The following HS3ST4 variants were observed in gnomAD, a reference collection of about 807,000 sequenced individuals.
HS3ST4 encodes heparan sulfate glucosamine 3-O-sulfotransferase 4.
In HS3ST4, 17 loss-of-function variants were observed where a neutral mutation model predicts 29.2. The ratio of observed to expected loss-of-function variants is 0.58; its 90% confidence interval spans 0.40 to 0.87. The LOEUF is 0.87. HS3ST4 is among the 40% of genes least tolerant of loss of function. HS3ST4 has a pLI of 0.00. For missense variants in HS3ST4, 627 were observed against 634.5 expected, an observed-to-expected ratio of 0.99 and a Z score of 0.13; for synonymous variants, 314 against 285.7, an observed-to-expected ratio of 1.10 and a Z score of -1.00.
intron 1 of HS3ST4, among the ~76,000 whole-genome samples, chr16:25,864,548 C>G (rs988772401): frequency 2.0e-5 from 3 of 152,084 alleles, no homozygotes; most frequent in Non-Finnish European, 4.4e-5. Context: ...CTCCTCATTC[C>G]CCCTCCCACT....
At chr16:26,039,415 A>G (rs1252115965) in intron 1 of HS3ST4, among the ~76,000 whole-genome samples, 2 of 152,166 alleles carry the variant, frequency 1.3e-5, no homozygotes, top group African/African-American at 4.8e-5. Context: ...TCTCCATGAA[A>G]TACTTTGGAC....
At chr16:25,740,443 T>G (rs1208374099) in intron 1 of HS3ST4, among the ~76,000 whole-genome samples, 1 of 152,172 alleles carries the variant, frequency 6.6e-6, no homozygotes, top group Non-Finnish European at 1.5e-5. Flanking sequence ...GTTTCTTGGA[T>G]GCACTGAGCC....
intron 1 of HS3ST4, among the ~76,000 whole-genome samples, chr16:26,103,486 CCA>C (rs1899013678): frequency 6.6e-6 from 1 of 152,200 alleles, no homozygotes; most frequent in East Asian, 1.9e-4. Flanking sequence ...GGTAAACTCC[CCA>C]CTGGCCTCAC....
intron 1 of HS3ST4, among the ~76,000 whole-genome samples, chr16:25,959,590 G>A (rs561767540): frequency 2.0e-5 from 3 of 152,252 alleles, no homozygotes; most frequent in Non-Finnish European, 4.4e-5. Flanking sequence ...CTGTGAAAAA[G>A]GGGCAATTTT....
At chr16:25,889,878 G>A (rs1180908379) in intron 1 of HS3ST4, among the ~76,000 whole-genome samples, 1 of 150,598 alleles carries the variant, frequency 6.6e-6, no homozygotes, top group Non-Finnish European at 1.5e-5. Flanking sequence ...AGATCTGAAG[G>A]TTTTATCAGG....
chr16:25,938,778 A>T (rs1019225236), intron 1 of HS3ST4, among the ~76,000 whole-genome samples: 1 of 152,086 alleles, frequency 6.6e-6, no homozygotes, highest in Admixed American at 6.5e-5. Flanking sequence ...TCACATTATC[A>T]GGGAAGTCTT....
chr16:25,947,066 A>G (rs1405203073), intron 1 of HS3ST4, among the ~76,000 whole-genome samples: 1 of 151,934 alleles, frequency 6.6e-6, no homozygotes, highest in Non-Finnish European at 1.5e-5. Flanking sequence ...GTATTAAGCA[A>G]GTGTGTGTGT....
At chr16:26,021,878 G>A in intron 1 of HS3ST4, among the ~76,000 whole-genome samples, 1 of 151,958 alleles carries the variant, frequency 6.6e-6, no homozygotes, top group Admixed American at 6.6e-5. Context: ...TGGCCAGGCT[G>A]GTATTGATCT....
chr16:25,752,258 G>A (rs553090769), intron 1 of HS3ST4, among the ~76,000 whole-genome samples: 202 of 152,230 alleles, frequency 1.3e-3, no homozygotes, highest in African/African-American at 4.8e-3. Context: ...AACAGCAAGT[G>A]GCCAACTGAA....
At chr16:25,878,113 ATGAACTTTGGCAAAT>A (rs1967852089) in intron 1 of HS3ST4, among the ~76,000 whole-genome samples, 1 of 152,186 alleles carries the variant, frequency 6.6e-6, no homozygotes, top group Non-Finnish European at 1.5e-5. Flanking sequence ...CACCACCTAA[ATGAACTTTGGCAAAT>A]TGTCTTTTAA....
chr16:25,779,179 C>T (rs1966850478), intron 1 of HS3ST4, among the ~76,000 whole-genome samples: 2 of 152,166 alleles, frequency 1.3e-5, no homozygotes, highest in Admixed American at 1.3e-4. Flanking sequence ...GTTGGATCCA[C>T]CCAAATCACC....
At chr16:26,019,405 CT>C (rs1969390216) in intron 1 of HS3ST4, among the ~76,000 whole-genome samples, 1 of 152,070 alleles carries the variant, frequency 6.6e-6, no homozygotes, top group Admixed American at 6.6e-5. Context: ...ATCCAAGTGC[CT>C]TTTTTACATC....
At chr16:25,941,738 A>T (rs559822090) in intron 1 of HS3ST4, among the ~76,000 whole-genome samples, 14 of 151,918 alleles carry the variant, frequency 9.2e-5, no homozygotes, top group African/African-American at 3.1e-4. Flanking sequence ...CACCACACCC[A>T]GCTAATTTTT....
At chr16:25,718,235 C>T (rs191292367) in intron 1 of HS3ST4, among the ~76,000 whole-genome samples, 51 of 152,290 alleles carry the variant, frequency 3.3e-4, no homozygotes, top group Non-Finnish European at 7.4e-5. Context: ...CATTTACCTT[C>T]AGAAAGCCCT....
At chr16:25,854,856 G>C (rs1171464733) in intron 1 of HS3ST4, among the ~76,000 whole-genome samples, 3 of 152,192 alleles carry the variant, frequency 2.0e-5, no homozygotes, top group East Asian at 3.9e-4. Context: ...CAATATGAGT[G>C]AAAGTTTACA....
At chr16:25,834,453 A>T (rs1010713516) in intron 1 of HS3ST4, among the ~76,000 whole-genome samples, 1 of 151,810 alleles carries the variant, frequency 6.6e-6, no homozygotes, top group Non-Finnish European at 1.5e-5. Context: ...TTCACCAATG[A>T]ATTGTGATAT....
chr16:26,079,297 A>C (rs951129241), intron 1 of HS3ST4, among the ~76,000 whole-genome samples: 1 of 152,250 alleles, frequency 6.6e-6, no homozygotes, highest in African/African-American at 2.4e-5. Context: ...TTTTGGCAGC[A>C]TGCAAATGCA....
chr16:26,052,490 C>T (rs1898359429), intron 1 of HS3ST4, among the ~76,000 whole-genome samples: 1 of 152,170 alleles, frequency 6.6e-6, no homozygotes, highest in African/African-American at 2.4e-5. Flanking sequence ...CCTGCCTCAG[C>T]CTCCTGAGTA....
At chr16:25,815,746 C>A (rs1351500299) in intron 1 of HS3ST4, among the ~76,000 whole-genome samples, 1 of 152,208 alleles carries the variant, frequency 6.6e-6, no homozygotes, top group Non-Finnish European at 1.5e-5. Flanking sequence ...TCATGGTCAA[C>A]TTTTGCCCAA....
Sources: gnomAD v4.1 joint callset for allele counts (sites outside exome capture counted in the v4.1 genomes callset) on GRCh38, gnomAD v4.1.1 for gene constraint, MANE v1.5 for transcripts, NCBI Gene and HGNC (gene_info 2026-07-23, HGNC 2026-07-21) for gene names.